Variants in UBE2L3 observed in about 807,000 individuals in gnomAD.
UBE2L3 encodes ubiquitin conjugating enzyme E2 L3.
UBE2L3 carries 1 observed loss-of-function variant against 17.8 expected under a neutral mutation model. The ratio of observed to expected loss-of-function variants is 0.06; its 90% CI spans 0.02 to 0.27. The LOEUF (loss-of-function observed/expected upper bound fraction) is 0.27, where lower values mean the gene tolerates loss of function less well. Among genes scored for constraint, UBE2L3 ranks in the 10% least tolerant of loss-of-function variants. The pLI is 1.00. For missense variants in UBE2L3, 40 were observed against 192.6 expected (o/e 0.21, Z 4.69); for synonymous variants, 44 against 68.5 (o/e 0.64, Z 1.76).
At chr22:21,593,198 A>G (rs1444890766) in intron 2 of UBE2L3, among the ~76,000 whole-genome samples, 4 of 152,142 alleles carry the variant, frequency 2.6e-5, no homozygotes. Context: ...CTGTAGACAC[A>G]GAGAAAAGGA....
At chr22:21,568,427 G>C (rs1235776376) in intron 1 of UBE2L3, 1 of 985,268 alleles carries the variant, frequency 1.0e-6, no homozygotes, top group Non-Finnish European at 1.2e-6. Flanking sequence ...TCGCGGCGCG[G>C]TTCTGCTTCC....
At chr22:21,568,092 T>G in intron 1 of UBE2L3, 1 of 1,149,140 alleles carries the variant, frequency 8.7e-7, no homozygotes. Context: ...GTCGTTAATG[T>G]GAGAGCCCGG....
chr22:21,600,441 A>G (rs1045360435), intron 2 of UBE2L3, among the ~76,000 whole-genome samples: 1 of 152,172 alleles, frequency 6.6e-6, no homozygotes, highest in Admixed American at 6.5e-5. Flanking sequence ...CATGCCTGTA[A>G]TCCCAGCACT....
At chr22:21,607,776 G>T (rs961003814) in intron 2 of UBE2L3, among the ~76,000 whole-genome samples, 11 of 152,188 alleles carry the variant, frequency 7.2e-5, no homozygotes, top group Admixed American at 7.2e-4. Context: ...CTAGGGGCAA[G>T]GGGCTAGGGC....
In UBE2L3 at chr22:21,611,009, C is replaced by T. The variant is rs61133050; in HGVS notation, c.276C>T (p.Ala92=). The change falls in exon 3 of 4, where the codon GCC becomes GCT. Residue 92 remains alanine (A), a synonymous_variant. Coordinates refer to ENST00000342192, the MANE Select transcript of UBE2L3 (RefSeq NM_003347.4). The part of the protein sequence containing the change: ...KGQVCLPVIS[A]ENWKPATKTD... ...AGGTCTGTCTGCCAGTAATTAGTGC[C>T]GAAAACTGGAAGCCAGCAACCAAAA... is the stretch of plus-strand genomic sequence containing the variant. 3.6e-4 allele frequency: 577 copies of T among 1,609,586 alleles called. 1 individual carries two copies. Among genetic ancestry groups the T allele is most frequent in the Non-Finnish European group, 4.5e-4 (532 of 1,178,578 alleles).
intron 1 of UBE2L3, among the ~76,000 whole-genome samples, chr22:21,570,504 G>A (rs1489401366): frequency 6.6e-6 from 1 of 152,158 alleles, no homozygotes; most frequent in Non-Finnish European, 1.5e-5. Flanking sequence ...GGAACGTGGT[G>A]GGGAGAGAGA....
intron 1 of UBE2L3, among the ~76,000 whole-genome samples, chr22:21,569,741 CT>C (rs1393794732): frequency 6.6e-6 from 1 of 152,210 alleles, no homozygotes; most frequent in Non-Finnish European, 1.5e-5. Flanking sequence ...ATTTTTCCAG[CT>C]TTTACTTCGT....
intron 1 of UBE2L3, among the ~76,000 whole-genome samples, chr22:21,592,213 G>C (rs904044074): frequency 1.3e-4 from 20 of 152,012 alleles, no homozygotes; most frequent in African/African-American, 4.1e-4. Flanking sequence ...CTGCACTCTG[G>C]GTCTGTTTTG....
intron 1 of UBE2L3, among the ~76,000 whole-genome samples, chr22:21,569,765 T>A (rs1331623632): frequency 2.0e-5 from 3 of 152,262 alleles, no homozygotes; most frequent in Non-Finnish European, 1.5e-5. Context: ...TTTATATGCA[T>A]GATCATGTTT....
intron 2 of UBE2L3, among the ~76,000 whole-genome samples, chr22:21,596,854 T>C (rs1226109545): frequency 6.6e-6 from 1 of 152,204 alleles, no homozygotes; most frequent in Non-Finnish European, 1.5e-5. Context: ...TTTGTTATTT[T>C]ACTTTTTTTT....
rs1168274784 is a variant in UBE2L3, at chr22:21,623,454, T to G, written c.*1785T>G. Reference sequence around the variant, plus strand: ...GATTTTATTTCACTCACACTCCAGTTTGTAATAAAATGCCAAATTCTGTCA... The same window carrying G: ...GATTTTATTTCACTCACACTCCAGTGTGTAATAAAATGCCAAATTCTGTCA... On this transcript the variant is annotated 3_prime_UTR_variant, in exon 4 of 4. Transcript: ENST00000342192. The G allele has an allele frequency of 6.5e-6, 1 of 152,764 alleles. No individual in the cohort carries two copies. Among genetic ancestry groups the G allele is most frequent in the African/African-American group, 2.4e-5 (1 of 41,442 alleles). The allele number at this position is 152,764 out of a possible 1,614,324, so 9.5% of individuals were successfully genotyped here.
intron 2 of UBE2L3, among the ~76,000 whole-genome samples, chr22:21,607,752 GTTT>G (rs771184564): frequency 4.6e-5 from 7 of 152,254 alleles, no homozygotes. Flanking sequence ...CCCAAAGGTG[GTTT>G]TCGGGTGGTT....
chr22:21,615,878 CT>C (rs1202900772), intron 3 of UBE2L3, among the ~76,000 whole-genome samples: 1 of 152,194 alleles, frequency 6.6e-6, no homozygotes, highest in Non-Finnish European at 1.5e-5. Context: ...TAATGCCAAA[CT>C]TCTTGGATTT....
In UBE2L3 at chr22:21,622,484, AG is replaced by A. The variant is rs892828857; in HGVS notation, c.*817del. On this transcript the variant is annotated 3_prime_UTR_variant, in exon 4 of 4. Transcript: ENST00000342192. ...ATGAATCTCGCCAGAAAGGCTCCTGAGGTCCCAGGTTGGCACTTCTCCCTGC... is the reference window on the plus strand; with the variant it reads ...ATGAATCTCGCCAGAAAGGCTCCTGAGTCCCAGGTTGGCACTTCTCCCTGC... The A allele has an allele frequency of 1.3e-5, 2 of 152,830 alleles. No homozygotes were observed. Among genetic ancestry groups the A allele is most frequent in the Non-Finnish European group, 2.9e-5 (2 of 68,082 alleles). 9.5% of individuals were successfully genotyped at this position (152,830 alleles called of 1,614,324 possible).
intron 2 of UBE2L3, among the ~76,000 whole-genome samples, chr22:21,601,882 G>A (rs1928878660): frequency 1.3e-5 from 2 of 150,880 alleles, no homozygotes; most frequent in Non-Finnish European, 2.9e-5. Flanking sequence ...TGAGGCAGGA[G>A]AATGGCGTGA....
chr22:21,576,727 C>T (rs1927320112), intron 1 of UBE2L3, among the ~76,000 whole-genome samples: 1 of 152,044 alleles, frequency 6.6e-6, no homozygotes, highest in Admixed American at 6.6e-5. Context: ...AGCCACTGCG[C>T]CTGGCCGAAA....
chr22:21,604,614 A>G (rs971020712), intron 2 of UBE2L3, among the ~76,000 whole-genome samples: 3 of 152,194 alleles, frequency 2.0e-5, no homozygotes, highest in Admixed American at 1.3e-4. Context: ...CAACAAAACC[A>G]TGTTTTTTCA....
At chr22:21,571,554 G>T (rs1281938068) in intron 1 of UBE2L3, among the ~76,000 whole-genome samples, 1 of 152,046 alleles carries the variant, frequency 6.6e-6, no homozygotes, top group Non-Finnish European at 1.5e-5. Context: ...TACTATAGGT[G>T]TGCACCACCA....
At position 21,567,744 on chromosome 22, in the gene UBE2L3, G is replaced by A. The variant is rs773569470; in HGVS notation, c.-1G>A. On this transcript the variant is annotated 5_prime_UTR_variant, in exon 1 of 4. Transcript: ENST00000342192. ...GGGGAAGGAGCAGCACCAAATCCAA[G>A]ATGGCGGCCAGCAGGAGGCTGATGA... The A allele has an allele frequency of 5.7e-6, 9 of 1,582,668 alleles. No homozygotes were observed. The South Asian group carries it at 9.3e-5, about 16-fold the overall frequency.
Sources: gnomAD v4.1 joint callset for allele counts (sites outside exome capture counted in the v4.1 genomes callset) on GRCh38, gnomAD v4.1.1 for gene constraint, MANE v1.5 for transcripts, NCBI Gene and HGNC (gene_info 2026-07-23, HGNC 2026-07-21) for gene names.